FANCI: variants seen among roughly 807,000 people sequenced by gnomAD.
The protein encoded by FANCI is Fanconi anemia group I protein.
Under a neutral mutation model 176.1 loss-of-function variants are expected in FANCI, and 156 were observed. That is an observed-to-expected ratio of 0.89 (90% confidence interval 0.78 to 1.01). The LOEUF is 1.01. FANCI is among the 50% of genes least tolerant of loss of function. The pLI is 0.00. For synonymous variants in FANCI, 613 were observed against 541.7 expected (o/e 1.13, Z -1.83); for missense variants, 1,678 against 1,534.1 (o/e 1.09, Z -1.57).
chr15:89,258,178 C>T (rs1020644209), intron 2 of FANCI, among the ~76,000 whole-genome samples: 25 of 152,074 alleles, frequency 1.6e-4, no homozygotes, highest in Non-Finnish European at 2.8e-4. Context: ...TCTCTAACGC[C>T]TTTGAATAAT....
At chr15:89,267,871 G>A (rs1189411641) in intron 9 of FANCI, among the ~76,000 whole-genome samples, 1 of 152,184 alleles carries the variant, frequency 6.6e-6, no homozygotes, top group African/African-American at 2.4e-5. Flanking sequence ...AGGCCACAGT[G>A]AGCTATGATC....
intron 24 of FANCI, among the ~76,000 whole-genome samples, 178 bp from the exon 25 acceptor site, chr15:89,299,622 G>C (rs1311332575): frequency 2.0e-5 from 3 of 152,204 alleles, no homozygotes; most frequent in Admixed American, 1.3e-4. Context: ...TTGACTATCA[G>C]TGAGCACAAG....
intron 24 of FANCI, 122 bp downstream of exon 24, chr15:89,295,216 T>C: frequency 1.7e-6 from 2 of 1,166,180 alleles, no homozygotes; most frequent in East Asian, 2.6e-5. Context: ...TGAAAGAATA[T>C]AAAACATTAG....
At chr15:89,254,836 A>C (rs976379637) in intron 2 of FANCI, among the ~76,000 whole-genome samples, 3 of 152,200 alleles carry the variant, frequency 2.0e-5, no homozygotes, top group African/African-American at 4.8e-5. Flanking sequence ...AAGTAAATGA[A>C]TACATGGGTA....
intron 13 of FANCI, among the ~76,000 whole-genome samples, chr15:89,277,611 C>CAA (rs554395033): frequency 8.6e-4 from 42 of 48,784 alleles, no homozygotes; most frequent in Admixed American, 1.4e-3. Context: ...GATCCTATCT[C>CAA]AAAAAAAAAA....
At chr15:89,287,677 C>T (rs113203013) in intron 18 of FANCI, among the ~76,000 whole-genome samples, 11 of 152,108 alleles carry the variant, frequency 7.2e-5, no homozygotes, top group Admixed American at 6.5e-5. Flanking sequence ...AAGTGAGAGA[C>T]GTGCGACTCT....
intron 34 of FANCI, among the ~76,000 whole-genome samples, chr15:89,308,863 C>T (rs1596330186): frequency 6.6e-6 from 1 of 151,638 alleles, no homozygotes; most frequent in Non-Finnish European, 1.5e-5. Context: ...GGAGAATCGC[C>T]TGAACCTGGA....
At chr15:89,315,040 CTGAAG>C (rs928391536) in intron 36 of FANCI, among the ~76,000 whole-genome samples, 4 of 152,054 alleles carry the variant, frequency 2.6e-5, no homozygotes, top group Non-Finnish European at 4.4e-5. Flanking sequence ...AACTCCTGGC[CTGAAG>C]TGATCCTTCC....
chr15:89,297,814 G>GTTT (rs532915095), intron 24 of FANCI, among the ~76,000 whole-genome samples: 2 of 146,736 alleles, frequency 1.4e-5, no homozygotes, highest in Non-Finnish European at 1.5e-5. Flanking sequence ...TTTTGTTTTT[G>GTTT]TTTTTTTTTC....
At chr15:89,245,748 T>C (rs2151025775) in intron 1 of FANCI, 1 of 152,348 alleles carries the variant, frequency 6.6e-6, no homozygotes, top group Admixed American at 6.5e-5. Context: ...ATTTTATCCT[T>C]ACTTAAGGGT....
rs1244322304 is a variant in FANCI, at chr15:89,297,393, GGGAGGCCAAGGCA to G, written c.2636+2302_2636+2314del. ...GCAGAGGCTGCAATCTCGGCACTTT[GGGAGGCCAAGGCA>G]GGCGGCTGGGAGGTGGAGGTTGTAG... On this transcript the variant is annotated intron_variant, in intron 24 of 37. Coordinates refer to ENST00000310775, the MANE Select transcript of FANCI (RefSeq NM_001113378.2). Among the ~76,000 whole-genome samples the G allele has an allele frequency of 2.6e-3, 397 of 152,240 alleles. 6 individuals are homozygous for G. The highest frequency in any genetic ancestry group is 0.015 in the East Asian group (75 of 5,132).
chr15:89,288,683 A>G (rs896560791), intron 18 of FANCI, among the ~76,000 whole-genome samples: 2 of 150,766 alleles, frequency 1.3e-5, no homozygotes, highest in African/African-American at 4.9e-5. Flanking sequence ...GCACTAGTGC[A>G]GTCTAACTCA....
chr15:89,247,726 G>GAT lies in FANCI; in HGVS notation c.79_80insAT (p.Gly27AspfsTer4). On this transcript the variant is annotated frameshift_variant, in exon 2 of 38. Coordinates refer to ENST00000310775, the MANE Select transcript of FANCI (RefSeq NM_001113378.2). LOFTEE classifies it high-confidence loss of function. Reference sequence around the variant, plus strand: ...AGAATTTCTTCAAACCCTGAGAGAAGGTGATGTGAGTATTAGGAAGCATGT... The same window carrying GAT: ...AGAATTTCTTCAAACCCTGAGAGAAGATGTGATGTGAGTATTAGGAAGCATGT... The GAT allele has an allele frequency of 6.2e-7, 1 of 1,613,502 alleles. No individual in the cohort carries two copies. Among genetic ancestry groups the GAT allele is most frequent in the South Asian group, 1.1e-5 (1 of 91,064 alleles).
At chr15:89,276,120 T>C (rs2053402004) in intron 12 of FANCI, among the ~76,000 whole-genome samples, 1 of 152,274 alleles carries the variant, frequency 6.6e-6, no homozygotes, top group Non-Finnish European at 1.5e-5. Flanking sequence ...ATATTCACAT[T>C]ATTTCCACTG....
intron 6 of FANCI, among the ~76,000 whole-genome samples, chr15:89,262,249 T>C (rs978860640): frequency 1.3e-5 from 2 of 152,072 alleles, no homozygotes; most frequent in African/African-American, 4.8e-5. Flanking sequence ...TTTTTTTCTT[T>C]TTTCTTTTTT....
In FANCI at chr15:89,316,388, C is replaced by G. The variant is rs750218626; in HGVS notation, c.3925-9C>G. On this transcript the variant is annotated splice_polypyrimidine_tract_variant and intron_variant, in intron 37 of 37. Transcript: ENST00000310775. The stretch of plus-strand genomic sequence containing the variant: ...ATCACGTTAGAGCATTAATTCTTTC[C>G]CCTTCTAGGGCACTGCATCAGAGCA... 6.2e-7 allele frequency: 1 copy of G among 1,610,188 alleles called. No individual in the cohort carries two copies. The highest frequency in any genetic ancestry group is 2.2e-5 in the East Asian group (1 of 44,728).
intron 18 of FANCI, 77 bp downstream of exon 18, chr15:89,285,295 T>G (rs2053770555): frequency 1.9e-6 from 3 of 1,556,480 alleles, no homozygotes; most frequent in Non-Finnish European, 8.8e-7. Flanking sequence ...TTCCTGATTA[T>G]AAAAGTACAA....
At chr15:89,263,839 A>T in intron 7 of FANCI, 64 bp from the exon 8 acceptor site, 1 of 1,599,796 alleles carries the variant, frequency 6.3e-7, no homozygotes, top group Non-Finnish European at 8.6e-7. Flanking sequence ...AAAGCCCTGA[A>T]TTGAATTTCT....
At chr15:89,279,531 C>A (rs2053535647) in intron 14 of FANCI, among the ~76,000 whole-genome samples, 1 of 152,146 alleles carries the variant, frequency 6.6e-6, no homozygotes, top group Admixed American at 6.5e-5. Context: ...TTAAAAATTT[C>A]TCCGTGTCAT....
Sources: allele counts gnomAD v4.1 joint callset (sites outside exome capture counted in the v4.1 genomes callset), GRCh38; gene constraint gnomAD v4.1.1; transcripts MANE v1.5; gene names NCBI Gene and HGNC (gene_info 2026-07-23, HGNC 2026-07-21).